Variants in SPAG16 observed in about 807,000 individuals in gnomAD.
The protein encoded by SPAG16 is sperm associated antigen 16.
In SPAG16, 86 loss-of-function variants were observed where a neutral mutation model predicts 80.4. That is an observed-to-expected ratio of 1.07 (90% confidence interval 0.90 to 1.28). SPAG16 has a LOEUF of 1.28. SPAG16 is among the 50% of genes most tolerant of loss of function. The pLI is 0.00. For missense variants in SPAG16, 870 were observed against 765.3 expected, an observed-to-expected ratio of 1.14 and a Z score of -1.61; for synonymous variants, 294 against 265.9, an observed-to-expected ratio of 1.11 and a Z score of -1.03.
chr2:213,693,688 G>A (rs2065039495), intron 10 of SPAG16, among the ~76,000 whole-genome samples: 1 of 152,152 alleles, frequency 6.6e-6, no homozygotes. Flanking sequence ...AGTTGCCTCT[G>A]TGGAATTTAA....
At position 213,892,212 on chromosome 2, in the gene SPAG16, G is replaced by A. The variant is rs1445174372; in HGVS notation, c.1214+29584G>A. Among the ~76,000 whole-genome samples the A allele has an allele frequency of 2.0e-5, 3 of 152,014 alleles. No homozygotes were observed. In the East Asian group the frequency reaches 5.8e-4, roughly 29 times the overall value. On this transcript the variant is annotated intron_variant, in intron 11 of 15. Coordinates refer to ENST00000331683, the MANE Select transcript of SPAG16 (RefSeq NM_024532.5). ...ATCCCCTTTAGGACCTTCTCCACTTGGGAAAGGCAGCACTTTGAGCTTTTA... is the reference window on the plus strand; with the variant it reads ...ATCCCCTTTAGGACCTTCTCCACTTAGGAAAGGCAGCACTTTGAGCTTTTA...
chr2:213,463,436 G>T (rs2072495774), intron 9 of SPAG16, among the ~76,000 whole-genome samples: 1 of 152,198 alleles, frequency 6.6e-6, no homozygotes, highest in African/African-American at 2.4e-5. Context: ...TACAGGCCAG[G>T]AGCTCTAGAA....
intron 12 of SPAG16, among the ~76,000 whole-genome samples, chr2:214,009,881 G>C (rs747190903): frequency 6.6e-6 from 1 of 151,416 alleles, no homozygotes; most frequent in African/African-American, 2.4e-5. Context: ...AGCTGTCCTC[G>C]TAAGTCATAA....
intron 7 of SPAG16, among the ~76,000 whole-genome samples, chr2:213,361,470 T>C (rs1191985658): frequency 6.6e-6 from 1 of 151,010 alleles, no homozygotes; most frequent in African/African-American, 2.4e-5. Context: ...GTAGTGACAC[T>C]CCACCAGTAA....
intron 14 of SPAG16, among the ~76,000 whole-genome samples, chr2:214,113,268 A>G (rs573294459): frequency 1.3e-5 from 2 of 151,408 alleles, no homozygotes; most frequent in African/African-American, 4.9e-5. Flanking sequence ...CTTCATTTCA[A>G]CCTTGATGAA....
At chr2:213,784,799 TA>T (rs904587857) in intron 10 of SPAG16, among the ~76,000 whole-genome samples, 5 of 152,048 alleles carry the variant, frequency 3.3e-5, no homozygotes, top group African/African-American at 9.7e-5. Flanking sequence ...ACAAGTTTAT[TA>T]TTTTTTTTTT....
At chr2:213,604,365 T>C (rs2061180034) in intron 10 of SPAG16, among the ~76,000 whole-genome samples, 1 of 152,220 alleles carries the variant, frequency 6.6e-6, no homozygotes, top group Admixed American at 6.5e-5. Context: ...TACTGATTTC[T>C]CTTCATTGTA....
intron 13 of SPAG16, among the ~76,000 whole-genome samples, chr2:214,096,088 T>G (rs1039911261): frequency 2.6e-5 from 4 of 152,018 alleles, no homozygotes; most frequent in African/African-American, 9.7e-5. Flanking sequence ...TTTGACTCTA[T>G]TTGCTCTGAG....
At chr2:214,172,457 T>C (rs2125637771) in intron 15 of SPAG16, among the ~76,000 whole-genome samples, 2 of 152,242 alleles carry the variant, frequency 1.3e-5, no homozygotes, top group Admixed American at 1.3e-4. Context: ...TGCATAGTAT[T>C]CCATGGTGTA....
chr2:214,398,577 A>T (rs1395284160), intron 15 of SPAG16, among the ~76,000 whole-genome samples: 1 of 152,214 alleles, frequency 6.6e-6, no homozygotes, highest in African/African-American at 2.4e-5. Flanking sequence ...AGAAAGTATG[A>T]TGGAGAGAGG....
At chr2:213,427,291 A>G (rs776618171) in intron 9 of SPAG16, among the ~76,000 whole-genome samples, 1 of 152,206 alleles carries the variant, frequency 6.6e-6, no homozygotes, top group Non-Finnish European at 1.5e-5. Flanking sequence ...TTTGTTTTAG[A>G]TAATTTGCAT....
chr2:214,327,967 A>C (rs887473380), intron 15 of SPAG16, among the ~76,000 whole-genome samples: 9 of 152,182 alleles, frequency 5.9e-5, no homozygotes, highest in Non-Finnish European at 1.5e-5. Flanking sequence ...ATCATGAAAC[A>C]AATGATCTGA....
intron 9 of SPAG16, among the ~76,000 whole-genome samples, chr2:213,423,545 G>A (rs1218760973): frequency 1.3e-5 from 2 of 152,006 alleles, no homozygotes. Flanking sequence ...TGTAAAAGGG[G>A]GATAAAAATT....
At chr2:213,912,108 GTATTT>G (rs1448740895) in intron 11 of SPAG16, among the ~76,000 whole-genome samples, 5 of 152,042 alleles carry the variant, frequency 3.3e-5, no homozygotes, top group Non-Finnish European at 7.4e-5. Context: ...ATAATAGTGT[GTATTT>G]TATATTATCA....
chr2:213,645,136 C>T (rs892934275), intron 10 of SPAG16, among the ~76,000 whole-genome samples: 59 of 152,312 alleles, frequency 3.9e-4, no homozygotes, highest in African/African-American at 1.3e-3. Flanking sequence ...CCACAACCAC[C>T]GCAGGCCATG....
intron 10 of SPAG16, among the ~76,000 whole-genome samples, chr2:213,781,637 T>C (rs1391965636): frequency 6.6e-6 from 1 of 152,142 alleles, no homozygotes; most frequent in Non-Finnish European, 1.5e-5. Context: ...AGGAGAAAAA[T>C]CTTTAATTTA....
At position 214,320,019 on chromosome 2, in the gene SPAG16, T is replaced by G. The variant is rs1274871405; in HGVS notation, c.1721-90121T>G. 2.0e-5 allele frequency among the ~76,000 whole-genome samples: 3 copies of G among 152,336 alleles called. No individual in the cohort carries two copies. The East Asian group carries it at 5.8e-4, about 29-fold the overall frequency. Reference sequence around the variant, plus strand: ...ACAAAATTACACACAGGATACAAGCTCAGGTGAAATCGTTCTGTCAATTTC... The same window carrying G: ...ACAAAATTACACACAGGATACAAGCGCAGGTGAAATCGTTCTGTCAATTTC... On this transcript the variant is annotated intron_variant, in intron 15 of 15. Transcript: ENST00000331683.
In SPAG16 at chr2:214,149,063, A is replaced by ATGTG. The variant is rs137952160; in HGVS notation, c.1594-65_1594-62dup. The ATGTG allele has an allele frequency of 4.6e-3, 981 of 214,398 alleles. 23 individuals carry two copies. In the East Asian group the frequency reaches 0.12, roughly 26 times the overall value. The allele number at this position is 214,398 out of a possible 1,614,324, so 13.3% of individuals were successfully genotyped here. ...ATGTAGTGTGTGTGTGTATATATAT[A>ATGTG]TGTGTGTGTGTGTGTATATATATAT... On this transcript the variant is annotated intron_variant, in intron 14 of 15. Coordinates refer to ENST00000331683, the MANE Select transcript of SPAG16 (RefSeq NM_024532.5).
intron 9 of SPAG16, among the ~76,000 whole-genome samples, chr2:213,390,244 G>C (rs990738043): frequency 1.3e-5 from 2 of 152,130 alleles, no homozygotes; most frequent in Non-Finnish European, 2.9e-5. Flanking sequence ...GGAATGAGGA[G>C]TTACTGTTTA....
Sources: allele counts gnomAD v4.1 joint callset (sites outside exome capture counted in the v4.1 genomes callset), GRCh38; gene constraint gnomAD v4.1.1; transcripts MANE v1.5; gene names NCBI Gene and HGNC (gene_info 2026-07-23, HGNC 2026-07-21).